The following SUZ12 variants were observed in gnomAD, a reference collection of about 807,000 sequenced individuals.
The protein encoded by SUZ12 is polycomb protein SUZ12.
SUZ12 carries 17 observed loss-of-function variants against 87.3 expected under a neutral mutation model. The observed-to-expected ratio is 0.19, with a 90% CI of 0.13 to 0.29. SUZ12 has a LOEUF of 0.29. SUZ12 is among the 10% of genes least tolerant of loss of function. The pLI, the probability that SUZ12 is intolerant of heterozygous loss-of-function variation, is 1.00. For synonymous variants in SUZ12, 253 were observed against 312.4 expected, an observed-to-expected ratio of 0.81 and a Z score of 2.01; for missense variants, 526 against 912.2, an observed-to-expected ratio of 0.58 and a Z score of 5.45.
chr17:31,968,109 G>T (rs1908203444), intron 5 of SUZ12, among the ~76,000 whole-genome samples: 1 of 152,170 alleles, frequency 6.6e-6, no homozygotes, highest in Non-Finnish European at 1.5e-5. Context: ...GGTTGAGGCT[G>T]CAGTGAGCCA....
Position 31,998,936 on chromosome 17 carries a change from AAGAG to A in SUZ12, c.2155_2158del (p.Glu719LysfsTer24). The A allele has an allele frequency of 6.2e-7, 1 of 1,609,102 alleles. No individual in the cohort carries two copies. On this transcript the variant is annotated frameshift_variant, in exon 16 of 16. Coordinates refer to ENST00000322652, the MANE Select transcript of SUZ12 (RefSeq NM_015355.4). LOFTEE classifies it high-confidence loss of function. ...AATGGATTTAGTGAAATTAACTCAA[AAGAG>A]AAAGCTTTGGAAACAGATAGTGTCT...
At chr17:31,982,924 A>C in intron 8 of SUZ12, 75 bp from the exon 9 acceptor site, 2 of 1,415,072 alleles carry the variant, frequency 1.4e-6, no homozygotes, top group Non-Finnish European at 1.9e-6. Flanking sequence ...TTTTAGTATA[A>C]ATCTAAAGAT....
At position 31,988,907 on chromosome 17, in the gene SUZ12, A is replaced by T. The variant is rs942722201; in HGVS notation, c.1201+410A>T. Reference sequence around the variant, plus strand: ...AACACGGTGAAACACCGTCCCTACTAAAAATACAAAAAAATTTAGCCAGGT... The same window carrying T: ...AACACGGTGAAACACCGTCCCTACTTAAAATACAAAAAAATTTAGCCAGGT... On this transcript the variant is annotated intron_variant, in intron 10 of 15. Coordinates refer to ENST00000322652, the MANE Select transcript of SUZ12 (RefSeq NM_015355.4). Among the ~76,000 whole-genome samples, 47 of 151,608 alleles carry T rather than the reference A, an allele frequency of 3.1e-4. 1 individual carries two copies. Among genetic ancestry groups the T allele is most frequent in the Non-Finnish European group, 4.7e-4 (32 of 67,836 alleles).
Position 31,988,456 on chromosome 17 carries a change from A to G in SUZ12, c.1160A>G (p.Gln387Arg). 6.2e-7 allele frequency: 1 copy of G among 1,610,162 alleles called. No individual in the cohort carries two copies. The highest frequency in any genetic ancestry group is 8.5e-7 in the Non-Finnish European group (1 of 1,179,012). Residue 387 changes from glutamine (Q) to arginine (R), a missense_variant, in exon 10 of 16, where the codon CAG (glutamine) becomes CGG (arginine). By Grantham distance (43) the Gln-to-Arg change is conservative. Around this residue, in one of 9 missense-constraint regions of SUZ12, gnomAD observed 85 missense variants for 87.4 expected, o/e 0.97. Coordinates refer to ENST00000322652, the MANE Select transcript of SUZ12 (RefSeq NM_015355.4). Reference sequence around the variant, plus strand: ...ACTAGAAATTCAGAGAGTCTCCATCAGGAAAACAAGCCTGGTTCAGTTAAA... The same window carrying G: ...ACTAGAAATTCAGAGAGTCTCCATCGGGAAAACAAGCCTGGTTCAGTTAAA... The part of the protein sequence containing the change: ...LATRNSESLH[Q>R]ENKPGSVKPT...
At chr17:31,976,675 A>T in intron 8 of SUZ12, 61 bp downstream of exon 8, 1 of 1,223,754 alleles carries the variant, frequency 8.2e-7, no homozygotes, top group South Asian at 1.4e-5. Flanking sequence ...ATTCTGAAGC[A>T]GAATATAATT....
intron 14 of SUZ12, among the ~76,000 whole-genome samples, chr17:31,995,984 G>T (rs969834826): frequency 6.6e-6 from 1 of 152,062 alleles, no homozygotes; most frequent in African/African-American, 2.4e-5. Context: ...CGAGGCAGGC[G>T]CATTGCCTGA....
intron 12 of SUZ12, 101 bp downstream of exon 12, chr17:31,994,109 AG>A: frequency 8.3e-7 from 1 of 1,211,480 alleles, no homozygotes; most frequent in South Asian, 1.7e-5. Flanking sequence ...AAATTAAAAA[AG>A]GGAAAAAATA....
intron 5 of SUZ12, among the ~76,000 whole-genome samples, chr17:31,970,576 C>T (rs1908367588): frequency 6.6e-6 from 1 of 151,670 alleles, no homozygotes; most frequent in African/African-American, 2.4e-5. Context: ...TGCAGGGAGC[C>T]GAGATTGTGC....
chr17:31,976,618 A>C lies in SUZ12; in HGVS notation c.917+4A>C, dbSNP rs759998363. On this transcript the variant is annotated splice_donor_region_variant and intron_variant, in intron 8 of 15. Coordinates refer to ENST00000322652, the MANE Select transcript of SUZ12 (RefSeq NM_015355.4). ...TGACAGTATTTGATAAAAACAGGTA[A>C]TGTTGATGAACAAGTGAGGCTCCCA... The C allele has an allele frequency of 6.2e-7, 1 of 1,601,072 alleles. No homozygotes were observed. Among genetic ancestry groups the C allele is most frequent in the South Asian group, 1.1e-5 (1 of 89,832 alleles).
chr17:31,937,421 T>TCCC lies in SUZ12; in HGVS notation c.177_178insCCC (p.Ser59_Ala60insPro). ...CAGTTACTCGGCCTCCTCCTCCTCCTCCGCGGCGGCAGCGGCGGGGGCTGC... is the reference window on the plus strand; with the variant it reads ...CAGTTACTCGGCCTCCTCCTCCTCCTCCCCCGCGGCGGCAGCGGCGGGGGCTGC... On this transcript the variant is annotated inframe_insertion, in exon 1 of 16. Transcript: ENST00000322652. 1 of 1,542,898 alleles carries TCCC rather than the reference T, an allele frequency of 6.5e-7. No homozygotes were observed. Among genetic ancestry groups the TCCC allele is most frequent in the Non-Finnish European group, 8.7e-7 (1 of 1,145,008 alleles).
intron 3 of SUZ12, 50 bp downstream of exon 3, chr17:31,940,536 T>A (rs1906209901): frequency 6.6e-7 from 1 of 1,510,744 alleles, no homozygotes; most frequent in Non-Finnish European, 8.8e-7. Flanking sequence ...GTTAGTTTTA[T>A]TTTAAAGTAC....
intron 4 of SUZ12, among the ~76,000 whole-genome samples, chr17:31,958,794 C>T (rs186720827): frequency 2.0e-5 from 3 of 150,576 alleles, no homozygotes; most frequent in African/African-American, 4.9e-5. Context: ...TGCAGTGAGC[C>T]GAGATTACAC....
At chr17:31,977,268 C>T (rs1908811116) in intron 8 of SUZ12, among the ~76,000 whole-genome samples, 1 of 148,240 alleles carries the variant, frequency 6.7e-6, no homozygotes, top group African/African-American at 2.6e-5. Flanking sequence ...AAAGTGAGAT[C>T]CCATCTTTTT....
rs1020712077 is a variant in SUZ12 at position 31,973,216 on chromosome 17, C to T, written c.576C>T (p.Cys192=). ...TGGAAGTCCTGCTTGTGAAAGTTTG[C>T]CACAAAAAAAGAAAGGTAATGTCAA... ...VTLEVLLVKV[C]HKKRKDVSCP... The change falls in exon 6 of 16, where the codon TGC becomes TGT. Residue 192 remains cysteine, a synonymous_variant. Transcript: ENST00000322652. 1.3e-6 allele frequency: 2 copies of T among 1,540,832 alleles called. No homozygotes were observed. Among genetic ancestry groups the T allele is most frequent in the African/African-American group, 2.8e-5 (2 of 70,712 alleles).
chr17:31,949,673 CCCCTTT>C (rs1906837430), intron 4 of SUZ12, among the ~76,000 whole-genome samples: 4 of 59,048 alleles, frequency 6.8e-5, no homozygotes, highest in East Asian at 5.7e-4. Flanking sequence ...CCCCCCCCCC[CCCCTTT>C]TTTTTTTTTT....
At chr17:31,993,169 A>G (rs1909809245) in intron 10 of SUZ12, 73 bp from the exon 11 acceptor site, 4 of 875,686 alleles carry the variant, frequency 4.6e-6, no homozygotes, top group Non-Finnish European at 6.9e-6. Context: ...AATATTTAAT[A>G]GTTTTTGTGA....
intron 4 of SUZ12, among the ~76,000 whole-genome samples, chr17:31,949,504 T>G (rs1253366909): frequency 6.6e-6 from 1 of 152,002 alleles, no homozygotes; most frequent in Non-Finnish European, 1.5e-5. Context: ...AGACCCTACA[T>G]TATTAACTTT....
intron 3 of SUZ12, among the ~76,000 whole-genome samples, chr17:31,947,024 A>T (rs942345501): frequency 1.3e-5 from 2 of 152,200 alleles, no homozygotes; most frequent in African/African-American, 4.8e-5. Flanking sequence ...CTTTGAGGAT[A>T]CCTTGTGAAC....
At chr17:31,960,548 TAG>T in intron 4 of SUZ12, among the ~76,000 whole-genome samples, 1 of 151,994 alleles carries the variant, frequency 6.6e-6, no homozygotes, top group Non-Finnish European at 1.5e-5. Context: ...AAATCATGCA[TAG>T]CAAGTCACAT....
Sources: allele counts gnomAD v4.1 joint callset (sites outside exome capture counted in the v4.1 genomes callset), GRCh38; gene constraint gnomAD v4.1.1; regional missense constraint gnomAD v4.1.1; transcripts MANE v1.5; gene names NCBI Gene and HGNC (gene_info 2026-07-23, HGNC 2026-07-21).